The following MAF variants were observed in gnomAD, a reference collection of about 807,000 sequenced individuals.
MAF encodes transcription factor Maf.
MAF carries 10 observed loss-of-function variants against 22.0 expected under a neutral mutation model. That is an observed-to-expected ratio of 0.45 (90% confidence interval 0.28 to 0.77). The LOEUF is 0.77. MAF is among the 30% of genes least tolerant of loss of function. The pLI, the probability that MAF is intolerant of heterozygous loss-of-function variation, is 0.12. For synonymous variants in MAF, 337 were observed against 255.8 expected (o/e 1.32, Z -3.03); for missense variants, 544 against 548.4 (o/e 0.99, Z 0.08).
the MAF span, among the ~76,000 whole-genome samples, chr16:79,347,517 A>C: frequency 6.6e-6 from 1 of 152,232 alleles, no homozygotes. Context: ...GCTGGAGTAC[A>C]TCTTCTCTGA....
the MAF span, among the ~76,000 whole-genome samples, chr16:79,241,294 A>G: frequency 1.4e-4 from 22 of 152,106 alleles, no homozygotes; most frequent in African/African-American, 4.8e-4. Flanking sequence ...AAGAATCTTG[A>G]AAAAGGGTTA....
intron 1 of MAF, among the ~76,000 whole-genome samples, chr16:79,587,530 G>A (rs1912920376): frequency 6.6e-6 from 1 of 152,004 alleles, no homozygotes; most frequent in Non-Finnish European, 1.5e-5. Context: ...GTAATTCCTT[G>A]GGGACGTTGC....
chr16:79,537,355 C>G, the MAF span, among the ~76,000 whole-genome samples: 2 of 152,154 alleles, frequency 1.3e-5, no homozygotes, highest in Non-Finnish European at 2.9e-5. Context: ...ACTTGCAGTA[C>G]CAGGTATTTT....
chr16:79,480,366 G>A, the MAF span, among the ~76,000 whole-genome samples: 7 of 151,074 alleles, frequency 4.6e-5, no homozygotes, highest in East Asian at 1.9e-4. Context: ...TTTTTAATTC[G>A]TTTGGATTTT....
chr16:79,405,772 G>A, the MAF span, among the ~76,000 whole-genome samples: 1 of 151,734 alleles, frequency 6.6e-6, no homozygotes, highest in Admixed American at 6.6e-5. Context: ...ATCTTATTTA[G>A]TCCTCAAAAC....
rs1020392524 is a variant in MAF, at chr16:79,600,282, G to A, written c.-380C>T. ...GCTGGAGGAGCCCGGCCCGGTGCGC[G>A]GCGTCCCCCGCTCGCCGCTCCGCTG... On this transcript the variant is annotated 5_prime_UTR_variant, in exon 1 of 2. Transcript: ENST00000326043. 1.8e-5 allele frequency: 4 copies of A among 226,422 alleles called. No individual in the cohort carries two copies. Among genetic ancestry groups the A allele is most frequent in the East Asian group, 1.6e-4 (2 of 12,798 alleles). 14.0% of individuals were successfully genotyped at this position (226,422 alleles called of 1,614,324 possible).
chr16:79,433,267 T>TAAAAAAA, the MAF span, among the ~76,000 whole-genome samples: 1 of 139,368 alleles, frequency 7.2e-6, no homozygotes, highest in Non-Finnish European at 1.6e-5. Context: ...ATAAGACAAG[T>TAAAAAAA]AAAAAAAAAA....
the MAF span, among the ~76,000 whole-genome samples, chr16:79,561,093 T>G: frequency 6.6e-6 from 1 of 152,190 alleles, no homozygotes. Context: ...TAACTGGCTC[T>G]CTGACATATC....
the MAF span, among the ~76,000 whole-genome samples, chr16:79,498,554 A>G: frequency 6.6e-6 from 1 of 152,180 alleles, no homozygotes; most frequent in East Asian, 1.9e-4. Flanking sequence ...CCTGGTGCCC[A>G]CCACTGTGCC....
At chr16:79,239,091 G>T in the MAF span, among the ~76,000 whole-genome samples, 1 of 152,030 alleles carries the variant, frequency 6.6e-6, no homozygotes, top group Non-Finnish European at 1.5e-5. Context: ...TCTGGCCAAG[G>T]ATTTGTCCAT....
chr16:79,577,642 T>TG, the MAF span, among the ~76,000 whole-genome samples: 3 of 152,190 alleles, frequency 2.0e-5, no homozygotes, highest in Admixed American at 1.3e-4. Context: ...CTCTAACTCC[T>TG]GACATGCTGG....
chr16:79,407,525 G>A, the MAF span, among the ~76,000 whole-genome samples: 1 of 151,878 alleles, frequency 6.6e-6, no homozygotes, highest in Non-Finnish European at 1.5e-5. Context: ...TCCTGTAATC[G>A]TGTTCCTGCA....
chr16:79,304,878 CAT>C, the MAF span, among the ~76,000 whole-genome samples: 2 of 152,144 alleles, frequency 1.3e-5, no homozygotes, highest in Non-Finnish European at 2.9e-5. Flanking sequence ...TCAAAAGTCA[CAT>C]GAGTGGTGTT....
the MAF span, among the ~76,000 whole-genome samples, chr16:79,409,772 C>T: frequency 6.6e-6 from 1 of 152,190 alleles, no homozygotes; most frequent in Non-Finnish European, 1.5e-5. Context: ...CCCTACTCTA[C>T]AGAGGCTAGA....
At chr16:79,240,826 G>C in the MAF span, among the ~76,000 whole-genome samples, 10 of 151,940 alleles carry the variant, frequency 6.6e-5, no homozygotes, top group African/African-American at 2.2e-4. Context: ...TGCCCCTCTG[G>C]TACAAAGCTT....
At chr16:79,593,191 A>G (rs1913285685), downstream of MAF, among the ~76,000 whole-genome samples, 1 of 152,226 alleles carries the variant, frequency 6.6e-6, no homozygotes, top group Admixed American at 6.5e-5. Context: ...TATTTCGTAA[A>G]GCCAAGAGTA....
chr16:79,349,748 C>A, the MAF span, among the ~76,000 whole-genome samples: 1 of 152,168 alleles, frequency 6.6e-6, no homozygotes, highest in African/African-American at 2.4e-5. Flanking sequence ...ACCTTTTACA[C>A]CTGTCTTGTC....
the MAF span, among the ~76,000 whole-genome samples, chr16:79,434,039 T>TA: frequency 2.6e-4 from 39 of 152,290 alleles, 1 homozygote; most frequent in African/African-American, 9.1e-4. Flanking sequence ...AGTGTGGTAG[T>TA]GACTGTTCTC....
At chr16:79,219,071 C>G in the MAF span, among the ~76,000 whole-genome samples, 1 of 152,198 alleles carries the variant, frequency 6.6e-6, no homozygotes. Context: ...CTAAGCTGAT[C>G]TGTTTACAAG....
Sources: allele counts gnomAD v4.1 joint callset (sites outside exome capture counted in the v4.1 genomes callset), GRCh38; gene constraint gnomAD v4.1.1; transcripts MANE v1.5; gene names NCBI Gene and HGNC (gene_info 2026-07-23, HGNC 2026-07-21).